OBI1: variants seen among roughly 807,000 people sequenced by gnomAD.
OBI1 encodes the protein ring finger protein 219.
Under a neutral mutation model 62.4 loss-of-function variants are expected in OBI1, and 59 were observed. The observed-to-expected ratio is 0.95, with a 90% CI of 0.77 to 1.17. The LOEUF is 1.17. Ranked by LOEUF, OBI1 falls within the 50% of genes most tolerant of loss-of-function variation. The pLI is 0.00. For synonymous variants in OBI1, 302 were observed against 292.8 expected (o/e 1.03, Z -0.32); for missense variants, 875 against 830.9 (o/e 1.05, Z -0.65).
intron 5 of OBI1, among the ~76,000 whole-genome samples, chr13:78,633,202 T>C (rs1875908139): frequency 6.6e-6 from 1 of 152,184 alleles, no homozygotes; most frequent in South Asian, 2.1e-4. Flanking sequence ...TTCAAACCAC[T>C]ACATAACAGT....
chr13:78,634,230 C>G (rs1566280531), intron 5 of OBI1, among the ~76,000 whole-genome samples: 2 of 151,504 alleles, frequency 1.3e-5, no homozygotes, highest in African/African-American at 4.8e-5. Context: ...TTCAGATAGG[C>G]TTTTTTTTAG....
intron 2 of OBI1, among the ~76,000 whole-genome samples, chr13:78,642,843 C>T (rs1278379981): frequency 4.6e-5 from 7 of 151,936 alleles, no homozygotes; most frequent in Non-Finnish European, 1.0e-4. Flanking sequence ...GCCGAGATTG[C>T]GCCACTGCAC....
intron 5 of OBI1, chr13:78,620,457 A>T (rs915924946): frequency 6.4e-6 from 2 of 313,374 alleles, no homozygotes; most frequent in African/African-American, 4.5e-5. Flanking sequence ...TTTGATTTTC[A>T]AAGTAGCAGT....
chr13:78,619,830 T>G (rs1162705019), intron 5 of OBI1, among the ~76,000 whole-genome samples: 1 of 152,218 alleles, frequency 6.6e-6, no homozygotes, highest in East Asian at 1.9e-4. Context: ...ATTCTCTTAC[T>G]TTAAGATACA....
chr13:78,623,616 G>A (rs1875580043), intron 5 of OBI1, among the ~76,000 whole-genome samples: 1 of 152,144 alleles, frequency 6.6e-6, no homozygotes, highest in Non-Finnish European at 1.5e-5. Context: ...TTAAATACTT[G>A]AACATAAGGC....
At chr13:78,630,628 T>C (rs1288771099) in intron 5 of OBI1, among the ~76,000 whole-genome samples, 1 of 152,090 alleles carries the variant, frequency 6.6e-6, no homozygotes, top group African/African-American at 2.4e-5. Context: ...GTGAGATTAA[T>C]GCCCTTAAAA....
intron 5 of OBI1, among the ~76,000 whole-genome samples, chr13:78,628,090 G>C (rs1308494199): frequency 6.6e-6 from 1 of 152,156 alleles, no homozygotes; most frequent in Non-Finnish European, 1.5e-5. Flanking sequence ...AGTGATAATG[G>C]CTGTGAAGAC....
At chr13:78,651,902 A>G (rs1876555875) in intron 1 of OBI1, among the ~76,000 whole-genome samples, 1 of 152,202 alleles carries the variant, frequency 6.6e-6, no homozygotes, top group South Asian at 2.1e-4. Context: ...AAAGGCTGAG[A>G]TAACAATCCT....
At chr13:78,619,689 T>C (rs34012497) in intron 5 of OBI1, among the ~76,000 whole-genome samples, 39,005 of 152,116 alleles carry the variant, frequency 0.26, 5,365 homozygotes, top group East Asian at 0.36. Flanking sequence ...GTAATTTATT[T>C]GCTTTCTTTC....
At chr13:78,634,810 C>A (rs1875970791) in intron 5 of OBI1, among the ~76,000 whole-genome samples, 3 of 152,168 alleles carry the variant, frequency 2.0e-5, no homozygotes, top group Admixed American at 6.6e-5. Flanking sequence ...AATCTCACTA[C>A]TATGTTAGTA....
chr13:78,638,776 C>T (rs1566282320), intron 4 of OBI1, 47 bp downstream of exon 4: 1 of 1,527,256 alleles, frequency 6.5e-7, no homozygotes. Flanking sequence ...TTTGAAGGTA[C>T]TTATTTTAAA....
At chr13:78,630,821 T>C (rs555348204) in intron 5 of OBI1, among the ~76,000 whole-genome samples, 3 of 152,304 alleles carry the variant, frequency 2.0e-5, no homozygotes, top group South Asian at 4.1e-4. Flanking sequence ...GTTTAGGGTA[T>C]TTTGTTATAG....
intron 3 of OBI1, among the ~76,000 whole-genome samples, chr13:78,641,833 T>TAAA (rs541000531): frequency 3.8e-5 from 5 of 132,282 alleles, no homozygotes; most frequent in South Asian, 4.8e-4. Context: ...AATTTTAACT[T>TAAA]AAAAAAAAAA....
rs1876808422 is a variant in OBI1 at position 78,659,124 on chromosome 13, AGCGTTCAGAATCCCGCCAAC to A, written c.-24_-5del. ...CATTCTGCACGGTCTGAGCCATGGC[AGCGTTCAGAATCCCGCCAAC>A]ACGGAAGTCCCGCCGACCTACCGCT... On this transcript the variant is annotated 5_prime_UTR_variant, in exon 1 of 6. Coordinates refer to ENST00000282003, the MANE Select transcript of OBI1 (RefSeq NM_024546.4). The A allele has an allele frequency of 6.2e-7, 1 of 1,610,216 alleles. No individual in the cohort carries two copies. Among genetic ancestry groups the A allele is most frequent in the Non-Finnish European group, 8.5e-7 (1 of 1,178,404 alleles).
chr13:78,632,362 G>A (rs1407170265), intron 5 of OBI1, among the ~76,000 whole-genome samples: 3 of 152,072 alleles, frequency 2.0e-5, no homozygotes, highest in African/African-American at 4.8e-5. Context: ...CAAGCCACTC[G>A]CCTATAACAT....
At chr13:78,639,819 A>G (rs1281106283) in intron 3 of OBI1, among the ~76,000 whole-genome samples, 25 of 135,654 alleles carry the variant, frequency 1.8e-4, no homozygotes, top group Admixed American at 1.7e-3. Flanking sequence ...AGGAAGGGGA[A>G]TATCACACTC....
At chr13:78,658,983 G>T in intron 1 of OBI1, 66 bp downstream of exon 1, 1 of 1,436,130 alleles carries the variant, frequency 7.0e-7, no homozygotes, top group Non-Finnish European at 9.7e-7. Context: ...GCACGAGACG[G>T]CCCTCGGCCC....
intron 2 of OBI1, among the ~76,000 whole-genome samples, chr13:78,643,691 G>A (rs1377007543): frequency 6.6e-6 from 1 of 152,084 alleles, no homozygotes; most frequent in Non-Finnish European, 1.5e-5. Flanking sequence ...AGGAGGCTGA[G>A]GGAGGAGAAT....
intron 4 of OBI1, among the ~76,000 whole-genome samples, chr13:78,638,033 A>ATT (rs1374384323): frequency 6.6e-6 from 1 of 152,204 alleles, no homozygotes; most frequent in East Asian, 1.9e-4. Flanking sequence ...AAATAGTTGA[A>ATT]TATGTGATTG....
Sources: gnomAD v4.1 joint callset for allele counts (sites outside exome capture counted in the v4.1 genomes callset) on GRCh38, gnomAD v4.1.1 for gene constraint, MANE v1.5 for transcripts, NCBI Gene and HGNC (gene_info 2026-07-23, HGNC 2026-07-21) for gene names.